The following ANKRD11 variants were observed in gnomAD, a reference collection of about 807,000 sequenced individuals.
ANKRD11 encodes ankyrin repeat domain-containing protein 11.
A neutral mutation model predicts 195.7 loss-of-function variants in ANKRD11; 17 were observed. The observed-to-expected ratio is 0.09, with a 90% confidence interval of 0.06 to 0.13. The LOEUF (loss-of-function observed/expected upper bound fraction) is 0.13. Among genes scored for constraint, ANKRD11 ranks in the 10% least tolerant of loss-of-function variants. The pLI, the probability that ANKRD11 is intolerant of heterozygous loss-of-function variation, is 1.00. For synonymous variants in ANKRD11, 1,953 were observed against 1,528.1 expected, an observed-to-expected ratio of 1.28 and a Z score of -6.49; for missense variants, 3,735 against 3,566.1, an observed-to-expected ratio of 1.05 and a Z score of -1.21.
chr16:89,382,332 T>C (rs2040694607), intron 2 of ANKRD11, among the ~76,000 whole-genome samples: 1 of 151,028 alleles, frequency 6.6e-6, no homozygotes, highest in Non-Finnish European at 1.5e-5. Flanking sequence ...TATATATATA[T>C]ATATTTTTTT....
intron 2 of ANKRD11, among the ~76,000 whole-genome samples, chr16:89,401,556 C>T (rs894460601): frequency 1.3e-5 from 2 of 152,138 alleles, no homozygotes; most frequent in Admixed American, 6.5e-5. Context: ...GGAAGGATTA[C>T]AGGCGATTTT....
chr16:89,301,735 T>C (rs1396794457), intron 4 of ANKRD11: 2 of 398,268 alleles, frequency 5.0e-6, no homozygotes, highest in Non-Finnish European at 8.9e-6. Context: ...CCTCGGGGAC[T>C]GCTTTAAACT....
chr16:89,358,878 C>T (rs754644998), intron 2 of ANKRD11, among the ~76,000 whole-genome samples: 6 of 151,968 alleles, frequency 3.9e-5, no homozygotes, highest in Non-Finnish European at 7.4e-5. Context: ...CAGGCTGGAG[C>T]GCAGTGGTGC....
chr16:89,307,383 T>G (rs1384595632), intron 3 of ANKRD11, among the ~76,000 whole-genome samples: 1 of 152,158 alleles, frequency 6.6e-6, no homozygotes, highest in African/African-American at 2.4e-5. Context: ...TGACAGTTAA[T>G]CTGAGACATC....
chr16:89,464,559 G>A (rs1483519232), intron 1 of ANKRD11, among the ~76,000 whole-genome samples: 3 of 140,496 alleles, frequency 2.1e-5, no homozygotes, highest in Admixed American at 7.8e-5. Context: ...AGTGAGCCAA[G>A]ATCGCAACAC....
chr16:89,287,075 C>T lies in ANKRD11; in HGVS notation c.745-889G>A, dbSNP rs897270254. 3 of 1,289,718 alleles carry T rather than the reference C, an allele frequency of 2.3e-6. No individual in the cohort carries two copies. The African/African-American group carries it at 4.6e-5, about 20-fold the overall frequency. The allele number at this position is 1,289,718 out of a possible 1,614,324, so 79.9% of individuals were successfully genotyped here. ...ATTGTGGAGGTCAGAGGTCAAGGTG[C>T]TGGCAGGGCAGGATCCTTCCTTTCC... On this transcript the variant is annotated intron_variant, in intron 7 of 12. Transcript: ENST00000301030.
In ANKRD11 at chr16:89,280,487, G is replaced by C; in HGVS notation, c.6055C>G (p.Pro2019Ala). ...SASEAPYPAP[P>A]ASPAPYALPV... ...AGAGCGTACGGGGCAGGAGAGGCGG[G>C]AGGGGCGGGGTACGGCGCCTCCGAG... The change falls in exon 9 of 13, where the codon CCC becomes GCC. Residue 2019 changes from proline (P) to alanine (A), a missense_variant. By Grantham distance (27) the Pro-to-Ala change is conservative (BLOSUM62 -1). Transcript: ENST00000301030. 1 of 1,583,174 alleles carries C rather than the reference G, an allele frequency of 6.3e-7. No individual in the cohort carries two copies. Among genetic ancestry groups the C allele is most frequent in the South Asian group, 1.1e-5 (1 of 88,580 alleles).
chr16:89,294,543 G>A (rs1028921611), intron 4 of ANKRD11, among the ~76,000 whole-genome samples: 1 of 152,164 alleles, frequency 6.6e-6, no homozygotes, highest in Admixed American at 6.5e-5. Flanking sequence ...ACGTCTGTCA[G>A]CTCTGAGACA....
At chr16:89,402,437 G>A (rs1418982745) in intron 2 of ANKRD11, among the ~76,000 whole-genome samples, 1 of 152,104 alleles carries the variant, frequency 6.6e-6, no homozygotes, top group East Asian at 1.9e-4. Context: ...CCTAACACAT[G>A]AGGAAGCCGA....
rs200297557 is a variant in ANKRD11, at chr16:89,290,972, C to A, written c.397+41G>T. 5,130 of 1,610,140 alleles carry A rather than the reference C, an allele frequency of 3.2e-3. 15 individuals carry two copies. The highest frequency in any genetic ancestry group is 0.018 in the Middle Eastern group (80 of 4,570). On this transcript the variant is annotated intron_variant, in intron 5 of 12. Transcript: ENST00000301030. ...GCCATGAGGCTGCGACCAGGCAGAG[C>A]CCCTTCCCTGCGCCAGGGACCACCC...
At chr16:89,312,538 G>A (rs1477665684) in intron 3 of ANKRD11, among the ~76,000 whole-genome samples, 2 of 152,260 alleles carry the variant, frequency 1.3e-5, no homozygotes, top group Admixed American at 1.3e-4. Flanking sequence ...GCGGATCCAA[G>A]TCCAGCAAGC....
At position 89,271,303 on chromosome 16, in the gene ANKRD11, T is replaced by C. The variant is rs946893894; in HGVS notation, c.7714-394A>G. 4 of 312,864 alleles carry C rather than the reference T, an allele frequency of 1.3e-5. No individual in the cohort carries two copies. In the East Asian group the frequency reaches 3.4e-4, roughly 27 times the overall value. 19.4% of individuals were successfully genotyped at this position (312,864 alleles called of 1,614,324 possible). A position where few individuals can be genotyped will look rare whatever the true frequency, so the allele number is the denominator to read the frequency against. ...CCCAGGCTGGAGTGCAATGGCGCGA[T>C]CCTGGCTCACCGCAGCCTCCACCTC... On this transcript the variant is annotated intron_variant, in intron 11 of 12. Transcript: ENST00000301030.
chr16:89,317,336 G>A (rs1400363933), intron 2 of ANKRD11, among the ~76,000 whole-genome samples: 2 of 152,222 alleles, frequency 1.3e-5, no homozygotes, highest in Non-Finnish European at 2.9e-5. Context: ...AGAAAGGGAC[G>A]CATGGCCTAG....
chr16:89,399,444 C>T (rs926834070), intron 2 of ANKRD11, among the ~76,000 whole-genome samples: 5 of 152,192 alleles, frequency 3.3e-5, no homozygotes, highest in African/African-American at 1.2e-4. Context: ...ACTCTGACAT[C>T]CAGGAAAGGG....
At chr16:89,461,789 G>A (rs775056147) in intron 1 of ANKRD11, among the ~76,000 whole-genome samples, 9 of 152,010 alleles carry the variant, frequency 5.9e-5, no homozygotes, top group Non-Finnish European at 1.3e-4. Flanking sequence ...TAATAACTAT[G>A]GTCATTCCCA....
intron 2 of ANKRD11, among the ~76,000 whole-genome samples, chr16:89,345,634 G>A (rs1270878406): frequency 6.6e-6 from 1 of 152,186 alleles, no homozygotes; most frequent in African/African-American, 2.4e-5. Flanking sequence ...AAAGTAAATG[G>A]ACTAAGAAAT....
chr16:89,469,340 G>A (rs576449788), intron 1 of ANKRD11, among the ~76,000 whole-genome samples: 1 of 152,146 alleles, frequency 6.6e-6, no homozygotes, highest in East Asian at 1.9e-4. Context: ...TCCAGCCTCT[G>A]CCTCCTGAGC....
At position 89,305,190 on chromosome 16, in the gene ANKRD11, G is replaced by T. The variant is rs777232078; in HGVS notation, c.226+16C>A. The T allele has an allele frequency of 1.9e-6, 3 of 1,609,268 alleles. No homozygotes were observed. Among genetic ancestry groups the T allele is most frequent in the Non-Finnish European group, 2.5e-6 (3 of 1,179,234 alleles). On this transcript the variant is annotated intron_variant, in intron 4 of 12. Coordinates refer to ENST00000301030, the MANE Select transcript of ANKRD11 (RefSeq NM_013275.6). ...CCTGTGGAGGGCTGACTGCAGGAGG[G>T]GCCGCGGGCTGGTACCTGTGTCCGA...
At chr16:89,467,235 G>A (rs2056916140) in intron 1 of ANKRD11, among the ~76,000 whole-genome samples, 1 of 150,132 alleles carries the variant, frequency 6.7e-6, no homozygotes, top group Non-Finnish European at 1.5e-5. Context: ...AGTTTGAGAT[G>A]GGCCAGGGCA....
Sources: allele counts gnomAD v4.1 joint callset (sites outside exome capture counted in the v4.1 genomes callset), GRCh38; gene constraint gnomAD v4.1.1; transcripts MANE v1.5; gene names NCBI Gene and HGNC (gene_info 2026-07-23, HGNC 2026-07-21).